Variants in ADAM29 observed in about 807,000 individuals in gnomAD.
The protein encoded by ADAM29 is disintegrin and metalloproteinase domain-containing protein 29.
For missense variants in ADAM29, 969 were observed against 1,001.8 expected (o/e 0.97, Z 0.44); for synonymous variants, 367 against 342.3 (o/e 1.07, Z -0.80).
rs189212053 is a variant in ADAM29, at chr4:174,929,723, T to C, written c.-450-1263T>C. On this transcript the variant is annotated intron_variant, in intron 2 of 4. Transcript: ENST00000359240. Reference sequence around the variant, plus strand: ...TACATAATTTCATTGTTTATACATCTCTCCTTCACTCTATCTCTCACATCT... The same window carrying C: ...TACATAATTTCATTGTTTATACATCCCTCCTTCACTCTATCTCTCACATCT... Among the ~76,000 whole-genome samples, 1,210 of 150,286 alleles carry C rather than the reference T, an allele frequency of 8.1e-3. 11 individuals are homozygous for C. Among genetic ancestry groups the C allele is most frequent in the South Asian group, 0.018 (88 of 4,772 alleles).
chr4:174,942,091 A>C (rs181024154), intron 4 of ADAM29, among the ~76,000 whole-genome samples: 79 of 152,306 alleles, frequency 5.2e-4, no homozygotes, highest in Admixed American at 1.2e-3. Flanking sequence ...TGCTGATGTG[A>C]GGGGTGGGAT....
intron 2 of ADAM29, among the ~76,000 whole-genome samples, chr4:174,924,677 G>A (rs550740618): frequency 6.6e-6 from 1 of 152,240 alleles, no homozygotes; most frequent in East Asian, 1.9e-4. Context: ...TGAACCTGAA[G>A]TGCATAATAG....
At chr4:174,970,412 G>A (rs1466492560) in intron 4 of ADAM29, among the ~76,000 whole-genome samples, 1 of 152,132 alleles carries the variant, frequency 6.6e-6, no homozygotes, top group Non-Finnish European at 1.5e-5. Context: ...TCAAAATGAA[G>A]TGATATGAGA....
chr4:174,945,562 T>C (rs1398258641), intron 4 of ADAM29, among the ~76,000 whole-genome samples: 7 of 152,200 alleles, frequency 4.6e-5, no homozygotes, highest in Non-Finnish European at 1.0e-4. Context: ...CATGAAGTCT[T>C]TGTCCATTCT....
chr4:174,976,508 T>C lies in ADAM29; in HGVS notation c.983T>C (p.Ile328Thr), dbSNP rs746577789. ...FMNKTLGTFS[I>T]AVAHHLGHNL... ...AACAAAACTTTGGGCACTTTTTCAATTGCAGTGGCTCATCATCTAGGTCAT... is the reference window on the plus strand; with the variant it reads ...AACAAAACTTTGGGCACTTTTTCAACTGCAGTGGCTCATCATCTAGGTCAT... The change falls in exon 5 of 5, where the codon ATT becomes ACT. Residue 328 changes from isoleucine to threonine, a missense_variant. Transcript: ENST00000359240. 2.0e-5 allele frequency: 33 copies of C among 1,611,322 alleles called. No homozygotes were observed. The East Asian group carries it at 2.7e-4, about 13-fold the overall frequency.
rs1746761569 is a variant in ADAM29 at position 174,976,008 on chromosome 4, C to T, written c.483C>T (p.Thr161=). 1 of 1,613,712 alleles carries T rather than the reference C, an allele frequency of 6.2e-7. No individual in the cohort carries two copies. The highest frequency in any genetic ancestry group is 1.7e-5 in the Admixed American group (1 of 59,954). The stretch of plus-strand genomic sequence containing the variant: ...ACAGTGAGGAGAAACAATTTTCAAC[C>T]ATGAGATCCGGATTTATGCAAAATG... ...KMDSEEKQFS[T]MRSGFMQNEI... The change falls in exon 5 of 5, where the codon ACC becomes ACT. Residue 161 remains threonine, a synonymous_variant. Coordinates refer to ENST00000359240, the MANE Select transcript of ADAM29 (RefSeq NM_014269.4).
chr4:174,971,905 C>T (rs1036096241), intron 4 of ADAM29, among the ~76,000 whole-genome samples: 1 of 152,140 alleles, frequency 6.6e-6, no homozygotes. Context: ...TTTTACTCTA[C>T]TGACTGAATC....
chr4:174,931,581 GAAACAT>G (rs1743881163), intron 3 of ADAM29, among the ~76,000 whole-genome samples: 1 of 152,008 alleles, frequency 6.6e-6, no homozygotes, highest in Non-Finnish European at 1.5e-5. Flanking sequence ...ATTGTTGATA[GAAACAT>G]AACTTTCTAT....
intron 4 of ADAM29, among the ~76,000 whole-genome samples, chr4:174,960,787 T>C (rs1184501079): frequency 6.6e-6 from 1 of 152,146 alleles, no homozygotes; most frequent in Non-Finnish European, 1.5e-5. Flanking sequence ...CTGAACTAGG[T>C]CTCATCAAAC....
intron 3 of ADAM29, among the ~76,000 whole-genome samples, chr4:174,931,827 C>T (rs1019210646): frequency 3.3e-5 from 5 of 152,052 alleles, no homozygotes; most frequent in African/African-American, 1.2e-4. Flanking sequence ...CACACACACA[C>T]ACACACACAA....
intron 2 of ADAM29, among the ~76,000 whole-genome samples, chr4:174,924,726 A>G (rs1182088238): frequency 6.6e-6 from 1 of 152,224 alleles, no homozygotes; most frequent in Admixed American, 6.5e-5. Context: ...TACATGGTAT[A>G]TCATTTCAGT....
intron 4 of ADAM29, among the ~76,000 whole-genome samples, chr4:174,946,406 T>C (rs1268592868): frequency 6.6e-6 from 1 of 152,146 alleles, no homozygotes; most frequent in Non-Finnish European, 1.5e-5. Flanking sequence ...GCAGAGACTA[T>C]GAGGCTTTGT....
chr4:174,922,059 G>A (rs1295546688), intron 2 of ADAM29, among the ~76,000 whole-genome samples: 1 of 152,004 alleles, frequency 6.6e-6, no homozygotes, highest in Admixed American at 6.6e-5. Flanking sequence ...TTGGGATCTT[G>A]GTTTGATGGA....
At chr4:174,943,912 A>G (rs1334237384) in intron 4 of ADAM29, among the ~76,000 whole-genome samples, 4 of 152,216 alleles carry the variant, frequency 2.6e-5, no homozygotes, top group Middle Eastern at 3.4e-3. Context: ...CAATGGTTAC[A>G]TTAAAAGTAA....
intron 4 of ADAM29, among the ~76,000 whole-genome samples, chr4:174,955,917 A>G (rs1745473281): frequency 6.6e-6 from 1 of 152,028 alleles, no homozygotes; most frequent in Non-Finnish European, 1.5e-5. Context: ...TGCAATTGAA[A>G]TTAGATATGA....
chr4:174,951,559 T>C (rs774159262), intron 4 of ADAM29, among the ~76,000 whole-genome samples: 1 of 152,246 alleles, frequency 6.6e-6, no homozygotes, highest in Non-Finnish European at 1.5e-5. Flanking sequence ...TATTTAGGTA[T>C]GAAATTGTAT....
chr4:174,948,840 G>T (rs1197314492), intron 4 of ADAM29, among the ~76,000 whole-genome samples: 1 of 152,140 alleles, frequency 6.6e-6, no homozygotes, highest in Non-Finnish European at 1.5e-5. Flanking sequence ...GGCACTGTGG[G>T]GGTGAGTTTC....
chr4:174,977,575 CTTA>C lies in ADAM29; in HGVS notation c.2053_2055del (p.Ile685del). The stretch of plus-strand genomic sequence containing the variant: ...GTTCTGTTATCTGTGTATATTGTTG[CTTA>C]TTGTTTTGTTTATTTTATTATGTTG... On this transcript the variant is annotated inframe_deletion, in exon 5 of 5. Transcript: ENST00000359240. 2 of 1,613,704 alleles carry C rather than the reference CTTA, an allele frequency of 1.2e-6. No individual in the cohort carries two copies. The highest frequency in any genetic ancestry group is 8.5e-7 in the Non-Finnish European group (1 of 1,179,854).
intron 4 of ADAM29, among the ~76,000 whole-genome samples, chr4:174,965,446 A>C (rs12331643): frequency 0.35 from 52,556 of 151,892 alleles, 9,297 homozygotes; most frequent in Middle Eastern, 0.41. Flanking sequence ...TTTTAACATG[A>C]GTTTTCATGG....
Sources: gnomAD v4.1 joint callset for allele counts (sites outside exome capture counted in the v4.1 genomes callset) on GRCh38, gnomAD v4.1.1 for gene constraint, MANE v1.5 for transcripts, NCBI Gene and HGNC (gene_info 2026-07-23, HGNC 2026-07-21) for gene names.